The following TACC1 variants were observed in gnomAD, a reference collection of about 807,000 sequenced individuals.
TACC1 encodes the protein transforming acidic coiled-coil-containing protein 1.
A neutral mutation model predicts 84.4 loss-of-function variants in TACC1; 48 were observed. The observed-to-expected ratio is 0.57, with a 90% CI of 0.45 to 0.72. The LOEUF is 0.72. TACC1 is among the 30% of genes least tolerant of loss of function. The probability of loss-of-function intolerance (pLI) is 0.00; values close to 1 mark genes in which losing one functional copy is unlikely to be tolerated. For missense variants in TACC1, 920 were observed against 973.0 expected (o/e 0.95, Z 0.72); for synonymous variants, 372 against 376.3 (o/e 0.99, Z 0.13).
chr8:38,842,542 A>T, intron 10 of TACC1, 95 bp downstream of exon 10: 1 of 1,332,196 alleles, frequency 7.5e-7, no homozygotes, highest in Non-Finnish European at 1.0e-6. Context: ...GGTTGTGGGT[A>T]TCCTTTTAAA....
In TACC1 at chr8:38,797,507, T is replaced by C. The variant is rs573749277; in HGVS notation, c.277+8688T>C. Among the ~76,000 whole-genome samples, 3 of 152,216 alleles carry C rather than the reference T, an allele frequency of 2.0e-5. No homozygotes were observed. The South Asian group carries it at 6.2e-4, about 31-fold the overall frequency. ...GGAGCAGAACTGGCTGAAGAAATTA[T>C]ATAGCCGCCTATTGGCTTGTGGTCC... On this transcript the variant is annotated intron_variant, in intron 2 of 12. Transcript: ENST00000317827.
chr8:38,801,008 T>C (rs541726622), intron 2 of TACC1, among the ~76,000 whole-genome samples: 2 of 152,362 alleles, frequency 1.3e-5, no homozygotes, highest in South Asian at 2.1e-4. Flanking sequence ...GCTGATGATA[T>C]TGAGCAACTT....
chr8:38,827,082 G>A, intron 4 of TACC1, 86 bp from the exon 5 acceptor site: 2 of 1,164,222 alleles, frequency 1.7e-6, no homozygotes, highest in South Asian at 2.8e-5. Flanking sequence ...ATGGAGTTGT[G>A]TCTACTTTGT....
In TACC1 at chr8:38,787,551, C is replaced by T. The variant is rs1171621263; in HGVS notation, c.-32C>T. The T allele has an allele frequency of 1.3e-6, 2 of 1,525,346 alleles. No individual in the cohort carries two copies. Among genetic ancestry groups the T allele is most frequent in the African/African-American group, 2.8e-5 (2 of 70,458 alleles). 94.5% of individuals were successfully genotyped at this position (1,525,346 alleles called of 1,614,324 possible). On this transcript the variant is annotated 5_prime_UTR_variant, in exon 1 of 13. Transcript: ENST00000317827. ...AGGCTCTCCCCACCCATTCCCCTGC[C>T]CCTAGGAGCTGGAGCCGGAGGAGCC...
At chr8:38,768,420 T>G (rs1031192856) in intron 3 of TACC1, among the ~76,000 whole-genome samples, 2 of 152,224 alleles carry the variant, frequency 1.3e-5, no homozygotes, top group African/African-American at 4.8e-5. Context: ...TTGAAGAAAT[T>G]CTCTTCACAC....
chr8:38,733,228 A>G (rs953762965), intron 1 of TACC1, among the ~76,000 whole-genome samples: 1 of 151,556 alleles, frequency 6.6e-6, no homozygotes, highest in African/African-American at 2.4e-5. Flanking sequence ...GACAGAGACG[A>G]TCCCAGCTGT....
Position 38,843,303 on chromosome 8 carries a change from G to C in TACC1, c.2136G>C (p.Leu712Phe). 6.3e-7 allele frequency: 1 copy of C among 1,596,466 alleles called. No homozygotes were observed. Among genetic ancestry groups the C allele is most frequent in the South Asian group, 1.1e-5 (1 of 87,182 alleles). The change falls in exon 11 of 13, where the codon TTG (leucine) becomes TTC (phenylalanine). Residue 712 changes from leucine (L) to phenylalanine (F), a missense_variant. Transcript: ENST00000317827. The stretch of plus-strand genomic sequence containing the variant: ...CTTTGGAACAGAATGAAGAAGCCTT[G>C]AAGAAATGTGCTCAGGATTACTTAG... ...LEGFKKNEEA[L>F]KKCAQDYLAR...
At chr8:38,803,123 T>C (rs1224959578) in intron 2 of TACC1, among the ~76,000 whole-genome samples, 2 of 152,280 alleles carry the variant, frequency 1.3e-5, no homozygotes, top group African/African-American at 2.4e-5. Context: ...TTTTTACACA[T>C]TGATCTTGCA....
rs557916601 is a variant in TACC1 at position 38,816,156 on chromosome 8, T to G, written c.278-3366T>G. ...GCAGAGGGGAATTTGTGTTTCAGATTTGAGTTATTAACAATATCTAACAAT... is the reference window on the plus strand; with the variant it reads ...GCAGAGGGGAATTTGTGTTTCAGATGTGAGTTATTAACAATATCTAACAAT... On this transcript the variant is annotated intron_variant, in intron 2 of 12. Transcript: ENST00000317827. Among the ~76,000 whole-genome samples, 9 of 152,282 alleles carry G rather than the reference T, an allele frequency of 5.9e-5. No homozygotes were observed. In the South Asian group the frequency reaches 1.4e-3, roughly 25 times the overall value.
At chr8:38,840,141 T>A (rs1439578553) in intron 8 of TACC1, 83 bp from the exon 9 acceptor site, 29 of 1,023,978 alleles carry the variant, frequency 2.8e-5, no homozygotes, top group South Asian at 8.1e-5. Flanking sequence ...TGTTAATGTG[T>A]TTAATTGTTT....
intron 2 of TACC1, among the ~76,000 whole-genome samples, chr8:38,797,651 A>G (rs1398512900): frequency 2.0e-5 from 3 of 152,190 alleles, no homozygotes; most frequent in Non-Finnish European, 4.4e-5. Flanking sequence ...TCTCAGCTCC[A>G]TGTGGGTGGT....
Position 38,851,665 on chromosome 8 carries a change from G to A in TACC1, c.*3642G>A, listed in dbSNP as rs1833102882. 3.5e-6 allele frequency: 1 copy of A among 281,914 alleles called. No individual in the cohort carries two copies. The highest frequency in any genetic ancestry group is 3.3e-5 in the South Asian group (1 of 30,570). 17.5% of individuals were successfully genotyped at this position (281,914 alleles called of 1,614,324 possible). On this transcript the variant is annotated 3_prime_UTR_variant, in exon 13 of 13. Coordinates refer to ENST00000317827, the MANE Select transcript of TACC1 (RefSeq NM_006283.3). ...GTTGTCTCTTTGTGGTCATGTGATT[G>A]TGAGCTTGCTTTCTGACTTGCATTT...
intron 7 of TACC1, among the ~76,000 whole-genome samples, chr8:38,837,252 T>TA (rs56272394): frequency 0.36 from 50,810 of 140,890 alleles, 9,260 homozygotes; most frequent in Non-Finnish European, 0.44. Context: ...CCATCTCTAC[T>TA]AAAAAAAAAA....
intron 2 of TACC1, among the ~76,000 whole-genome samples, chr8:38,815,848 C>A (rs896223226): frequency 6.6e-6 from 1 of 151,512 alleles, no homozygotes; most frequent in African/African-American, 2.4e-5. Flanking sequence ...AAAAACTAAG[C>A]CGGATGTGGT....
chr8:38,820,751 A>C, intron 3 of TACC1, 116 bp downstream of exon 3: 1 of 1,404,362 alleles, frequency 7.1e-7, no homozygotes, highest in Admixed American at 2.1e-5. Flanking sequence ...CGAGGTTCAT[A>C]CAAAGCTTAT....
chr8:38,764,966 G>T (rs771380672), intron 3 of TACC1, among the ~76,000 whole-genome samples: 32 of 152,092 alleles, frequency 2.1e-4, no homozygotes, highest in Non-Finnish European at 4.0e-4. Context: ...AGGCATGGTG[G>T]CAGGAGCCTA....
At chr8:38,813,221 A>G (rs1444563911) in intron 2 of TACC1, among the ~76,000 whole-genome samples, 1 of 152,086 alleles carries the variant, frequency 6.6e-6, no homozygotes, top group African/African-American at 2.4e-5. Context: ...TTTGTTCACA[A>G]TTTTTTTAAG....
At chr8:38,738,085 C>G (rs1239532369) in intron 1 of TACC1, among the ~76,000 whole-genome samples, 1 of 152,058 alleles carries the variant, frequency 6.6e-6, no homozygotes, top group African/African-American at 2.4e-5. Context: ...TAGTTCCTGA[C>G]TCACAGAGCA....
At chr8:38,833,502 C>T (rs562228975) in intron 6 of TACC1, among the ~76,000 whole-genome samples, 20 of 152,230 alleles carry the variant, frequency 1.3e-4, no homozygotes, top group South Asian at 1.2e-3. Flanking sequence ...TAAATGTGGC[C>T]AGGCAGAGAG....
Sources: allele counts gnomAD v4.1 joint callset (sites outside exome capture counted in the v4.1 genomes callset), GRCh38; gene constraint gnomAD v4.1.1; transcripts MANE v1.5; gene names NCBI Gene and HGNC (gene_info 2026-07-23, HGNC 2026-07-21).